The following PREX1 variants were observed in gnomAD, a reference collection of about 807,000 sequenced individuals.
The protein encoded by PREX1 is phosphatidylinositol 3,4,5-trisphosphate-dependent Rac exchanger 1 protein.
Under a neutral mutation model 198.3 loss-of-function variants are expected in PREX1, and 41 were observed. The ratio of observed to expected loss-of-function variants is 0.21; its 90% CI spans 0.16 to 0.27. PREX1 has a LOEUF of 0.27. PREX1 is among the 10% of genes least tolerant of loss of function. The probability of loss-of-function intolerance (pLI) is 1.00; values close to 1 mark genes in which losing one functional copy is unlikely to be tolerated. For missense variants in PREX1, 1,620 were observed against 2,200.7 expected (o/e 0.74, Z 5.28); for synonymous variants, 843 against 887.2 (o/e 0.95, Z 0.89).
chr20:48,653,233 G>A, intron 20 of PREX1, 128 bp downstream of exon 20: 2 of 1,402,910 alleles, frequency 1.4e-6, no homozygotes, highest in Non-Finnish European at 1.9e-6. Flanking sequence ...CTCTTGTTGG[G>A]TCAGCAGCTC....
Position 48,660,024 on chromosome 20 carries a change from G to C in PREX1, c.1776C>G (p.Tyr592Ter). Reference sequence around the variant, plus strand: ...TCTCCTCGTCAGCATGAAAGCGGAAGTACTGGGACTCATCCCTGAACTCGC... The same window carrying C: ...TCTCCTCGTCAGCATGAAAGCGGAACTACTGGGACTCATCCCTGAACTCGC... ...EKSEFRDESQ[Y>*]FRFHADEEME... Residue 592 changes from tyrosine to a stop codon, truncating the protein, a stop_gained, in exon 16 of 40, where the codon TAC becomes TAG. Coordinates refer to ENST00000371941, the MANE Select transcript of PREX1 (RefSeq NM_020820.4). LOFTEE classifies it high-confidence loss of function. The C allele has an allele frequency of 6.2e-7, 1 of 1,614,214 alleles. No homozygotes were observed. Among genetic ancestry groups the C allele is most frequent in the Non-Finnish European group, 8.5e-7 (1 of 1,180,032 alleles).
At chr20:48,739,233 G>C (rs1555839843) in intron 3 of PREX1, among the ~76,000 whole-genome samples, 2 of 151,990 alleles carry the variant, frequency 1.3e-5, no homozygotes, top group Non-Finnish European at 2.9e-5. Context: ...TTCTCACCTT[G>C]GTCCAGACCA....
intron 1 of PREX1, among the ~76,000 whole-genome samples, chr20:48,805,413 C>G (rs529548990): frequency 1.4e-4 from 22 of 152,366 alleles, no homozygotes; most frequent in South Asian, 8.3e-4. Context: ...ACCACGTGCT[C>G]TCTGCCAAGT....
At chr20:48,661,100 A>C (rs960171009) in intron 15 of PREX1, among the ~76,000 whole-genome samples, 2 of 152,160 alleles carry the variant, frequency 1.3e-5, no homozygotes, top group African/African-American at 4.8e-5. Context: ...CTAAATTGTT[A>C]CTAAGTGGCC....
chr20:48,865,769 C>A, the PREX1 span, among the ~76,000 whole-genome samples: 5 of 152,052 alleles, frequency 3.3e-5, no homozygotes, highest in Non-Finnish European at 7.4e-5. Context: ...TTTCTCAATG[C>A]CTAGGACGTA....
intron 8 of PREX1, chr20:48,692,435 C>T (rs2089824083): frequency 7.2e-6 from 3 of 418,634 alleles, no homozygotes; most frequent in African/African-American, 3.9e-5. Context: ...ACAGTGGTTA[C>T]TTCTAGGGGG....
At chr20:48,632,211 T>C (rs2089319983) in intron 35 of PREX1, 66 bp downstream of exon 35, 1 of 1,497,692 alleles carries the variant, frequency 6.7e-7, no homozygotes, top group African/African-American at 1.4e-5. Context: ...GCACCTTCCA[T>C]GCTAATGCCC....
chr20:48,796,665 A>G (rs2090363939), intron 1 of PREX1, among the ~76,000 whole-genome samples: 1 of 150,954 alleles, frequency 6.6e-6, no homozygotes. Context: ...ATATCCAGTT[A>G]TATGTGTCGT....
At chr20:48,734,280 C>A (rs151020015) in intron 4 of PREX1, among the ~76,000 whole-genome samples, 71 of 152,114 alleles carry the variant, frequency 4.7e-4, no homozygotes, top group African/African-American at 1.5e-3. Context: ...CACACCCACT[C>A]CTCTACACAT....
chr20:48,856,481 A>C, the PREX1 span, among the ~76,000 whole-genome samples: 1 of 152,204 alleles, frequency 6.6e-6, no homozygotes, highest in African/African-American at 2.4e-5. Flanking sequence ...CAAGGAATGG[A>C]AACAGCAGGG....
At chr20:48,819,999 C>T (rs979721522) in intron 1 of PREX1, among the ~76,000 whole-genome samples, 13 of 152,334 alleles carry the variant, frequency 8.5e-5, no homozygotes, top group Non-Finnish European at 1.5e-4. Context: ...TGGCCACCTG[C>T]CTGCACCAGC....
chr20:48,632,433 C>A, intron 34 of PREX1, 42 bp from the exon 35 acceptor site: 1 of 1,613,284 alleles, frequency 6.2e-7, no homozygotes, highest in South Asian at 1.1e-5. Context: ...GGTTGGGAGC[C>A]GGTGTGCTTG....
At chr20:48,745,277 G>T in intron 2 of PREX1, 130 bp from the exon 3 acceptor site, 2 of 939,078 alleles carry the variant, frequency 2.1e-6, no homozygotes, top group Non-Finnish European at 3.1e-6. Context: ...CACCGGAACT[G>T]GTTTACCACT....
chr20:48,774,021 G>A (rs772368254), intron 1 of PREX1, among the ~76,000 whole-genome samples: 52 of 152,140 alleles, frequency 3.4e-4, no homozygotes, highest in Non-Finnish European at 6.0e-4. Flanking sequence ...TGTGAGGGAC[G>A]AGAGAGAGGG....
chr20:48,689,072 GC>G (rs1257096056), intron 9 of PREX1, among the ~76,000 whole-genome samples: 1 of 152,234 alleles, frequency 6.6e-6, no homozygotes, highest in Non-Finnish European at 1.5e-5. Flanking sequence ...AGGGGGTCAT[GC>G]CTTCAACCCA....
At position 48,691,074 on chromosome 20, in the gene PREX1, A is replaced by G; in HGVS notation, c.1059T>C (p.Tyr353=). 6.2e-7 allele frequency: 1 copy of G among 1,614,200 alleles called. No homozygotes were observed. The highest frequency in any genetic ancestry group is 8.5e-7 in the Non-Finnish European group (1 of 1,180,026). The change falls in exon 9 of 40, where the codon TAT becomes TAC. Residue 353 remains tyrosine, a synonymous_variant. Coordinates refer to ENST00000371941, the MANE Select transcript of PREX1 (RefSeq NM_020820.4). This position sits in a 1 kb window ranked among gnomAD's most constrained non-coding sequence, Gnocchi z 5.0. ...DGTADYHSNG[Y]TVTNGWKIHN... is the part of the protein sequence containing the mutation. ...GGATCTTCCAGCCGTTGGTGACGGT[A>G]TAGCCGTTGCTATGGTAATCCGCTG...
chr20:48,646,453 TG>T (rs879894074), intron 25 of PREX1, among the ~76,000 whole-genome samples: 11 of 151,772 alleles, frequency 7.2e-5, no homozygotes, highest in Non-Finnish European at 1.3e-4. Flanking sequence ...GAGGCTGAGG[TG>T]GGCTGATCAC....
In PREX1 at chr20:48,676,362, C is replaced by G. The variant is rs561639860; in HGVS notation, c.1590-94G>C. ...TTCCCTGCAGGACGTGCCCACGAGT[C>G]AAGGATCTCCAGGCTCTCTAGGCAT... is the stretch of plus-strand genomic sequence containing the variant. On this transcript the variant is annotated intron_variant, in intron 13 of 39. Coordinates refer to ENST00000371941, the MANE Select transcript of PREX1 (RefSeq NM_020820.4). The G allele has an allele frequency of 6.1e-6, 7 of 1,151,706 alleles. No individual in the cohort carries two copies. In the Admixed American group the frequency reaches 1.0e-4, roughly 17 times the overall value. The allele number at this position is 1,151,706 out of a possible 1,614,324, so 71.3% of individuals were successfully genotyped here. A position where few individuals can be genotyped will look rare whatever the true frequency, so the allele number is the denominator to read the frequency against.
chr20:48,881,733 C>A, the PREX1 span, among the ~76,000 whole-genome samples: 1 of 152,196 alleles, frequency 6.6e-6, no homozygotes, highest in Non-Finnish European at 1.5e-5. Context: ...GATCTGCCCA[C>A]CTTGCCCTCC....
Sources: allele counts gnomAD v4.1 joint callset (sites outside exome capture counted in the v4.1 genomes callset), GRCh38; gene constraint gnomAD v4.1.1; non-coding constraint Gnocchi (gnomAD v3.1); transcripts MANE v1.5; gene names NCBI Gene and HGNC (gene_info 2026-07-23, HGNC 2026-07-21).